TFDP2: variants seen among roughly 807,000 people sequenced by gnomAD.
The protein encoded by TFDP2 is transcription factor Dp-2.
TFDP2 carries 17 observed loss-of-function variants against 59.3 expected under a neutral mutation model. The ratio of observed to expected loss-of-function variants is 0.29; its 90% CI spans 0.20 to 0.43. TFDP2 has a LOEUF of 0.43. Ranked by LOEUF, TFDP2 falls within the 20% of genes least tolerant of loss-of-function variation. TFDP2 has a pLI of 1.00. For synonymous variants in TFDP2, 180 were observed against 194.7 expected (o/e 0.92, Z 0.63); for missense variants, 391 against 528.8 (o/e 0.74, Z 2.56).
At chr3:142,070,422 T>C (rs1020195199) in intron 3 of TFDP2, among the ~76,000 whole-genome samples, 5 of 152,040 alleles carry the variant, frequency 3.3e-5, no homozygotes, top group African/African-American at 9.7e-5. Flanking sequence ...GGACTACAGA[T>C]GCATGCCACC....
intron 3 of TFDP2, among the ~76,000 whole-genome samples, chr3:142,086,237 T>C (rs1224655712): frequency 6.6e-6 from 1 of 152,208 alleles, no homozygotes; most frequent in Non-Finnish European, 1.5e-5. Context: ...CACAAAACAC[T>C]GCCTCTGGTC....
chr3:142,065,200 A>G (rs1316752920), intron 3 of TFDP2, among the ~76,000 whole-genome samples: 1 of 151,898 alleles, frequency 6.6e-6, no homozygotes, highest in Non-Finnish European at 1.5e-5. Flanking sequence ...CCCAGGCTAG[A>G]GTGCAATGGT....
chr3:142,070,489 C>T (rs2060211203), intron 3 of TFDP2, among the ~76,000 whole-genome samples: 2 of 152,148 alleles, frequency 1.3e-5, no homozygotes, highest in South Asian at 4.1e-4. Context: ...CTGTGCTGCC[C>T]AAGCTGGTCT....
At chr3:142,057,404 T>A (rs1351535017) in intron 3 of TFDP2, among the ~76,000 whole-genome samples, 1 of 152,214 alleles carries the variant, frequency 6.6e-6, no homozygotes, top group Non-Finnish European at 1.5e-5. Context: ...AATCTTGGAT[T>A]AGCTCTGGTT....
chr3:142,059,836 C>A (rs765410015), intron 3 of TFDP2, among the ~76,000 whole-genome samples: 3 of 151,992 alleles, frequency 2.0e-5, no homozygotes, highest in Non-Finnish European at 2.9e-5. Flanking sequence ...ACTGCCTCGG[C>A]CTCCCAAAGT....
chr3:142,123,520 G>A (rs2062128342), intron 1 of TFDP2, among the ~76,000 whole-genome samples: 1 of 151,368 alleles, frequency 6.6e-6, no homozygotes, highest in Non-Finnish European at 1.5e-5. Flanking sequence ...CACCTCCCTA[G>A]GCCTCCCAAA....
intron 1 of TFDP2, among the ~76,000 whole-genome samples, chr3:142,141,081 AC>A (rs2062939765): frequency 6.6e-6 from 1 of 151,762 alleles, no homozygotes; most frequent in South Asian, 2.1e-4. Context: ...AATGGCGGAC[AC>A]CCCTCCCCCA....
chr3:142,036,140 C>T (rs1370238550), intron 3 of TFDP2, among the ~76,000 whole-genome samples: 1 of 152,166 alleles, frequency 6.6e-6, no homozygotes, highest in Non-Finnish European at 1.5e-5. Flanking sequence ...AAGAAGATCA[C>T]TTCAGTCCTC....
At chr3:141,954,905 A>G (rs1936400240) in intron 11 of TFDP2, among the ~76,000 whole-genome samples, 1 of 152,190 alleles carries the variant, frequency 6.6e-6, no homozygotes, top group Admixed American at 6.5e-5. Flanking sequence ...CCCACGTAGG[A>G]AAAAAGTAAA....
At chr3:142,024,750 T>C (rs978017183) in intron 3 of TFDP2, among the ~76,000 whole-genome samples, 2 of 152,204 alleles carry the variant, frequency 1.3e-5, no homozygotes, top group South Asian at 2.1e-4. Context: ...CCGGGTGCAA[T>C]GGCTCATGCC....
chr3:141,969,206 C>CATAT (rs201477077), intron 9 of TFDP2, among the ~76,000 whole-genome samples: 1 of 57,992 alleles, frequency 1.7e-5, no homozygotes, highest in Non-Finnish European at 3.0e-5. Flanking sequence ...ATATATATAA[C>CATAT]ATATATATAT....
rs548924540 is a variant in TFDP2 at position 141,955,367 on chromosome 3, C to T, written c.1052-2351G>A. Among the ~76,000 whole-genome samples the T allele has an allele frequency of 5.9e-5, 9 of 152,340 alleles. No individual in the cohort carries two copies. The East Asian group carries it at 1.3e-3, about 23-fold the overall frequency. On this transcript the variant is annotated intron_variant, in intron 11 of 12. Coordinates refer to ENST00000489671, the MANE Select transcript of TFDP2 (RefSeq NM_001178139.2). Reference sequence around the variant, plus strand: ...ATCAAAACCACAGAGCCTGCCTAATCGCCCTGAGCCTTTTCACTGGGAGTA... The same window carrying T: ...ATCAAAACCACAGAGCCTGCCTAATTGCCCTGAGCCTTTTCACTGGGAGTA...
chr3:142,124,003 T>C (rs2062145680), intron 1 of TFDP2, among the ~76,000 whole-genome samples: 3 of 151,620 alleles, frequency 2.0e-5, no homozygotes, highest in Admixed American at 2.0e-4. Flanking sequence ...ATAACAACTA[T>C]GTAAAGACAT....
chr3:141,972,263 G>C (rs11569235), intron 8 of TFDP2, among the ~76,000 whole-genome samples: 11,331 of 152,204 alleles, frequency 0.074, 519 homozygotes, highest in Non-Finnish European at 0.11. Context: ...TGCACTGATT[G>C]TACCTCTAAA....
intron 4 of TFDP2, among the ~76,000 whole-genome samples, chr3:141,998,996 T>C (rs1300425431): frequency 6.6e-6 from 1 of 152,234 alleles, no homozygotes; most frequent in Non-Finnish European, 1.5e-5. Flanking sequence ...ATAAGAAGCA[T>C]GCAGTTTTTA....
chr3:142,002,510 T>G lies in TFDP2; in HGVS notation c.186+2931A>C, dbSNP rs1474652592. ...TTTTCCTCCAGTTTCCAATAACATGTCCCTCACTCCTATCTGATACCTCAT... is the reference window on the plus strand; with the variant it reads ...TTTTCCTCCAGTTTCCAATAACATGGCCCTCACTCCTATCTGATACCTCAT... On this transcript the variant is annotated intron_variant, in intron 4 of 12. Coordinates refer to ENST00000489671, the MANE Select transcript of TFDP2 (RefSeq NM_001178139.2). Among the ~76,000 whole-genome samples, 5 of 152,074 alleles carry G rather than the reference T, an allele frequency of 3.3e-5. No homozygotes were observed. The East Asian group carries it at 9.6e-4, about 29-fold the overall frequency.
rs771250836 is a variant in TFDP2, at chr3:141,953,032, AG to A, written c.1052-17del. The A allele has an allele frequency of 1.3e-6, 2 of 1,595,256 alleles. No homozygotes were observed. The highest frequency in any genetic ancestry group is 2.7e-5 in the African/African-American group (2 of 74,520). ...GTGGAGATATCTAAAGGAAAAAATGAGAACAAAAAATGTCGGTCCTGCAAGT... is the reference window on the plus strand; with the variant it reads ...GTGGAGATATCTAAAGGAAAAAATGAAACAAAAAATGTCGGTCCTGCAAGT... On this transcript the variant is annotated splice_polypyrimidine_tract_variant and intron_variant, in intron 11 of 12. Coordinates refer to ENST00000489671, the MANE Select transcript of TFDP2 (RefSeq NM_001178139.2).
intron 1 of TFDP2, among the ~76,000 whole-genome samples, chr3:142,142,639 T>C (rs1159684769): frequency 6.6e-6 from 1 of 152,152 alleles, no homozygotes; most frequent in Non-Finnish European, 1.5e-5. Context: ...AGACCCAGAA[T>C]AGCCAAAGCT....
intron 3 of TFDP2, among the ~76,000 whole-genome samples, chr3:142,013,437 C>G (rs779210839): frequency 1.3e-5 from 2 of 152,132 alleles, no homozygotes; most frequent in African/African-American, 2.4e-5. Context: ...AAATTCCAGC[C>G]AGGCTGAGAG....
Sources: gnomAD v4.1 joint callset for allele counts (sites outside exome capture counted in the v4.1 genomes callset) on GRCh38, gnomAD v4.1.1 for gene constraint, MANE v1.5 for transcripts, NCBI Gene and HGNC (gene_info 2026-07-23, HGNC 2026-07-21) for gene names.